SFXN5: variants seen among roughly 807,000 people sequenced by gnomAD.
SFXN5 encodes sideroflexin-5.
In SFXN5, 43 loss-of-function variants were observed where a neutral mutation model predicts 50.2. That is an observed-to-expected ratio of 0.86 (90% CI 0.67 to 1.11). SFXN5 has a LOEUF of 1.11. Among genes scored for constraint, SFXN5 ranks in the 50% least tolerant of loss-of-function variants. The pLI is 0.00. For missense variants in SFXN5, 463 were observed against 454.1 expected (o/e 1.02, Z -0.18); for synonymous variants, 203 against 185.8 (o/e 1.09, Z -0.75).
At chr2:73,023,270 G>T in intron 3 of SFXN5, 56 bp from the exon 4 acceptor site, 1 of 1,513,864 alleles carries the variant, frequency 6.6e-7, no homozygotes, top group South Asian at 1.2e-5. Flanking sequence ...AGCATATATC[G>T]GTTTAAGGCT....
At chr2:73,049,805 G>A (rs1003754061) in intron 2 of SFXN5, 1 of 152,130 alleles carries the variant, frequency 6.6e-6, no homozygotes, top group South Asian at 2.1e-4. Flanking sequence ...TCAAAAGTCT[G>A]AAGTCAGAGT....
At chr2:73,008,891 C>A (rs780786746) in intron 6 of SFXN5, among the ~76,000 whole-genome samples, 1 of 152,172 alleles carries the variant, frequency 6.6e-6, no homozygotes, top group Admixed American at 6.5e-5. Flanking sequence ...CTGGCACCAG[C>A]CTCTGGGAGA....
chr2:73,001,516 G>C lies in SFXN5; in HGVS notation c.411+9C>G, dbSNP rs777266613. 1.2e-6 allele frequency: 2 copies of C among 1,614,166 alleles called. No homozygotes were observed. The highest frequency in any genetic ancestry group is 2.2e-5 in the East Asian group (1 of 44,884). ...CCTTCAGGAGCCCTGTTTGCTGCGA[G>C]ACTGTTACCTGCCAGAAGACAGTGG... On this transcript the variant is annotated intron_variant, in intron 7 of 13. Transcript: ENST00000272433.
intron 1 of SFXN5, among the ~76,000 whole-genome samples, chr2:73,070,142 G>C (rs889414928): frequency 2.0e-5 from 3 of 152,186 alleles, no homozygotes; most frequent in Non-Finnish European, 4.4e-5. Flanking sequence ...TTAAGAACGA[G>C]CAGAATGGGG....
chr2:73,029,104 C>T (rs1018004519), intron 3 of SFXN5, among the ~76,000 whole-genome samples: 78 of 152,296 alleles, frequency 5.1e-4, no homozygotes, highest in Admixed American at 4.8e-3. Flanking sequence ...GTGGAAATGA[C>T]GTTCGCCAGT....
chr2:73,000,581 C>A, intron 7 of SFXN5, 94 bp from the exon 8 acceptor site: 1 of 1,212,450 alleles, frequency 8.2e-7, no homozygotes, highest in Non-Finnish European at 1.2e-6. Flanking sequence ...CCCAGAAAGG[C>A]ACAGCATGCG....
rs185769535 is a variant in SFXN5, at chr2:73,052,147, T to C, written c.171+6381A>G. ...CATCATTCTTTGAGCACTTCCTCGC[T>C]TTCTGTAGCAACACTTGCAGCCTCA... On this transcript the variant is annotated intron_variant, in intron 2 of 13. Transcript: ENST00000272433. 3.5e-3 allele frequency among the ~76,000 whole-genome samples: 531 copies of C among 152,292 alleles called. 5 individuals carry two copies. The highest frequency in any genetic ancestry group is 0.012 in the African/African-American group (506 of 41,546).
intron 6 of SFXN5, among the ~76,000 whole-genome samples, chr2:73,011,377 T>C (rs1675473416): frequency 2.0e-5 from 3 of 152,150 alleles, no homozygotes; most frequent in Admixed American, 1.3e-4. Flanking sequence ...ATAAAGGAGA[T>C]GGAGGTGTGG....
intron 1 of SFXN5, chr2:73,071,300 C>G (rs1262580913): frequency 1.2e-5 from 5 of 401,048 alleles, no homozygotes; most frequent in Non-Finnish European, 2.2e-5. Context: ...GCCGGGCGCT[C>G]GGGACCTTGA....
chr2:72,981,815 C>T (rs1335722908), intron 10 of SFXN5, among the ~76,000 whole-genome samples: 1 of 152,204 alleles, frequency 6.6e-6, no homozygotes, highest in Non-Finnish European at 1.5e-5. Flanking sequence ...ATCTAATTAT[C>T]CCCGCCCTTT....
chr2:72,944,896 T>C lies in SFXN5; in HGVS notation c.*126A>G. ...TCTCCCTCCACTGTAGGTTGAGCAC[T>C]CTCCCAGGGGGCCCAGGACTGCTGG... On this transcript the variant is annotated 3_prime_UTR_variant, in exon 14 of 14. Coordinates refer to ENST00000272433, the MANE Select transcript of SFXN5 (RefSeq NM_144579.3). 1.3e-6 allele frequency: 1 copy of C among 779,558 alleles called. No individual in the cohort carries two copies. Among genetic ancestry groups the C allele is most frequent in the Non-Finnish European group, 2.1e-6 (1 of 477,796 alleles). The allele number at this position is 779,558 out of a possible 1,614,324, so 48.3% of individuals were successfully genotyped here. A position where few individuals can be genotyped will look rare whatever the true frequency, so the allele number is the denominator to read the frequency against.
At chr2:72,987,300 G>C (rs1217992417) in intron 10 of SFXN5, among the ~76,000 whole-genome samples, 1 of 151,490 alleles carries the variant, frequency 6.6e-6, no homozygotes, top group African/African-American at 2.4e-5. Flanking sequence ...AGTAGAGATG[G>C]GGTTTCACCA....
chr2:73,052,675 A>G (rs1574244969), intron 2 of SFXN5, among the ~76,000 whole-genome samples: 1 of 152,320 alleles, frequency 6.6e-6, no homozygotes, highest in South Asian at 2.1e-4. Flanking sequence ...TGAATTCAGG[A>G]TAGCAAATGC....
At chr2:72,966,060 A>C (rs1424606856) in intron 12 of SFXN5, among the ~76,000 whole-genome samples, 2 of 152,142 alleles carry the variant, frequency 1.3e-5, no homozygotes, top group Non-Finnish European at 2.9e-5. Context: ...CCAGGGTGGA[A>C]ACCCCAGGGT....
Position 73,067,558 on chromosome 2 carries a change from T to C in SFXN5, c.102+4046A>G, listed in dbSNP as rs547374224. ...TTGTCTTTTGACTTCTCTAAAATTA[T>C]TCCAAAATAAAAAAATTTTTAAAAA... On this transcript the variant is annotated intron_variant, in intron 1 of 13. Transcript: ENST00000272433. 8.3e-4 allele frequency among the ~76,000 whole-genome samples: 126 copies of C among 152,362 alleles called. 3 individuals carry two copies. The South Asian group carries it at 0.026, about 31-fold the overall frequency.
intron 3 of SFXN5, among the ~76,000 whole-genome samples, chr2:73,029,295 G>A (rs910853711): frequency 6.6e-6 from 1 of 152,212 alleles, no homozygotes; most frequent in Non-Finnish European, 1.5e-5. Flanking sequence ...AAACCTGGGC[G>A]TTACTTGTAC....
chr2:73,049,664 T>G (rs1680982807), intron 2 of SFXN5: 1 of 152,226 alleles, frequency 6.6e-6, no homozygotes, highest in Admixed American at 6.5e-5. Context: ...CCATTAAGTT[T>G]CAACACCTGA....
intron 3 of SFXN5, among the ~76,000 whole-genome samples, chr2:73,024,887 G>A (rs1381258404): frequency 6.6e-6 from 1 of 152,156 alleles, no homozygotes; most frequent in African/African-American, 2.4e-5. Context: ...TTATAAAATT[G>A]ATACATTAAA....
At chr2:73,043,574 C>T (rs1005502589) in intron 2 of SFXN5, among the ~76,000 whole-genome samples, 3 of 152,138 alleles carry the variant, frequency 2.0e-5, no homozygotes, top group African/African-American at 4.8e-5. Flanking sequence ...CTTGGAATGG[C>T]CTGAAGGCTG....
Sources: gnomAD v4.1 joint callset for allele counts (sites outside exome capture counted in the v4.1 genomes callset) on GRCh38, gnomAD v4.1.1 for gene constraint, MANE v1.5 for transcripts, NCBI Gene and HGNC (gene_info 2026-07-23, HGNC 2026-07-21) for gene names.